SLC24A3: variants seen among roughly 807,000 people sequenced by gnomAD.
SLC24A3 encodes the protein solute carrier family 24 member 3.
A neutral mutation model predicts 75.8 loss-of-function variants in SLC24A3; 28 were observed. The ratio of observed to expected loss-of-function variants is 0.37; its 90% CI spans 0.27 to 0.51. SLC24A3 has a LOEUF of 0.51. Among genes scored for constraint, SLC24A3 ranks in the 20% least tolerant of loss-of-function variants. SLC24A3 has a pLI of 0.94. For synonymous variants in SLC24A3, 372 were observed against 334.1 expected (o/e 1.11, Z -1.24); for missense variants, 663 against 847.8 (o/e 0.78, Z 2.71).
chr20:19,276,877 G>T (rs926584796), intron 1 of SLC24A3, among the ~76,000 whole-genome samples: 1 of 151,662 alleles, frequency 6.6e-6, no homozygotes, highest in Non-Finnish European at 1.5e-5. Context: ...CTGGGCAACA[G>T]AGCCAGACCA....
intron 6 of SLC24A3, among the ~76,000 whole-genome samples, chr20:19,631,011 A>G (rs1490009063): frequency 6.6e-6 from 1 of 152,226 alleles, no homozygotes; most frequent in East Asian, 1.9e-4. Context: ...TGACCATGTC[A>G]ATATGTGTGT....
chr20:19,408,925 C>A (rs78985343), intron 2 of SLC24A3, among the ~76,000 whole-genome samples: 1,536 of 152,270 alleles, frequency 0.01, 31 homozygotes, highest in African/African-American at 0.035. Flanking sequence ...ATTCGGGAAA[C>A]ATTTATTGAG....
intron 12 of SLC24A3, among the ~76,000 whole-genome samples, chr20:19,686,527 A>G (rs1000422985): frequency 5.3e-5 from 8 of 152,224 alleles, no homozygotes; most frequent in African/African-American, 1.7e-4. Context: ...GAGGCTCAGT[A>G]TACATGTGCA....
At chr20:19,665,447 A>T (rs2032386644) in intron 7 of SLC24A3, among the ~76,000 whole-genome samples, 2 of 152,268 alleles carry the variant, frequency 1.3e-5, no homozygotes, top group East Asian at 1.9e-4. Context: ...ATGCACAGAC[A>T]TGCAGAAATC....
chr20:19,293,350 G>C (rs376950833), intron 2 of SLC24A3, among the ~76,000 whole-genome samples: 1 of 151,904 alleles, frequency 6.6e-6, no homozygotes, highest in African/African-American at 2.4e-5. Flanking sequence ...TTTTATGTTC[G>C]TGGCTCGGAA....
intron 2 of SLC24A3, among the ~76,000 whole-genome samples, chr20:19,442,346 G>A (rs912637273): frequency 1.2e-4 from 18 of 152,100 alleles, no homozygotes; most frequent in Non-Finnish European, 2.4e-4. Flanking sequence ...AAAAGTTTCT[G>A]TTACCCCACA....
chr20:19,296,234 T>G (rs964308346), intron 2 of SLC24A3, among the ~76,000 whole-genome samples: 1 of 151,520 alleles, frequency 6.6e-6, no homozygotes, highest in Non-Finnish European at 1.5e-5. Flanking sequence ...TGTGTCTATT[T>G]GATTCTTTTT....
intron 1 of SLC24A3, among the ~76,000 whole-genome samples, chr20:19,252,036 A>G (rs534429306): frequency 1.1e-3 from 162 of 152,206 alleles, no homozygotes; most frequent in African/African-American, 3.8e-3. Context: ...CTTTGTGGCC[A>G]GGCTACATTC....
intron 3 of SLC24A3, among the ~76,000 whole-genome samples, chr20:19,545,608 G>A (rs188247894): frequency 2.2e-4 from 34 of 152,190 alleles, no homozygotes; most frequent in Admixed American, 5.2e-4. Context: ...GCCTTGCTGC[G>A]TTGCCACCCC....
chr20:19,620,911 C>G (rs2031795616), intron 6 of SLC24A3, among the ~76,000 whole-genome samples: 1 of 152,132 alleles, frequency 6.6e-6, no homozygotes. Context: ...TTTCAAGGGA[C>G]CTGAGTTTTC....
intron 1 of SLC24A3, among the ~76,000 whole-genome samples, chr20:19,229,692 G>C (rs541863236): frequency 1.3e-5 from 2 of 151,906 alleles, no homozygotes; most frequent in African/African-American, 2.4e-5. Flanking sequence ...TTTAATTGTG[G>C]CTTCTTGTTG....
intron 15 of SLC24A3, among the ~76,000 whole-genome samples, chr20:19,702,546 C>G (rs895673226): frequency 6.6e-6 from 1 of 151,628 alleles, no homozygotes; most frequent in African/African-American, 2.4e-5. Context: ...TTGGGGGAGA[C>G]TTGGTTAGGA....
At chr20:19,486,791 A>G (rs946802825) in intron 2 of SLC24A3, among the ~76,000 whole-genome samples, 21 of 152,252 alleles carry the variant, frequency 1.4e-4, no homozygotes, top group Non-Finnish European at 1.2e-4. Context: ...AAGTGGAAGG[A>G]TGTGGATTCC....
chr20:19,716,160 A>T (rs6081717), intron 15 of SLC24A3, among the ~76,000 whole-genome samples: 126,192 of 152,068 alleles, frequency 0.83, 52,570 homozygotes, highest in East Asian at 0.96. Flanking sequence ...AGTTCCCGAG[A>T]GCTGCTGCCG....
intron 1 of SLC24A3, among the ~76,000 whole-genome samples, chr20:19,246,845 CTTG>C (rs1982503294): frequency 2.6e-5 from 4 of 152,196 alleles, no homozygotes; most frequent in Admixed American, 2.0e-4. Context: ...CTGTCTCTAT[CTTG>C]TTGTCTGCAA....
chr20:19,545,723 G>A (rs1456895188), intron 3 of SLC24A3, among the ~76,000 whole-genome samples: 1 of 152,202 alleles, frequency 6.6e-6, no homozygotes, highest in Non-Finnish European at 1.5e-5. Flanking sequence ...CTGGTTTGGA[G>A]GCATGTACCT....
At chr20:19,434,199 T>C (rs1987155088) in intron 2 of SLC24A3, among the ~76,000 whole-genome samples, 1 of 152,140 alleles carries the variant, frequency 6.6e-6, no homozygotes. Flanking sequence ...GAAACCCCCA[T>C]ATATGGGAAA....
chr20:19,356,095 C>A (rs534330791), intron 2 of SLC24A3, among the ~76,000 whole-genome samples: 1 of 152,240 alleles, frequency 6.6e-6, no homozygotes, highest in East Asian at 1.9e-4. Context: ...AGATGAGTGA[C>A]CTGTCACCAC....
chr20:19,216,513 G>A (rs972903237), intron 1 of SLC24A3, among the ~76,000 whole-genome samples: 1 of 152,036 alleles, frequency 6.6e-6, no homozygotes, highest in Non-Finnish European at 1.5e-5. Context: ...AGAGTCTCAG[G>A]CAGCAGGATT....
Sources: allele counts gnomAD v4.1 joint callset (sites outside exome capture counted in the v4.1 genomes callset), GRCh38; gene constraint gnomAD v4.1.1; transcripts MANE v1.5; gene names NCBI Gene and HGNC (gene_info 2026-07-23, HGNC 2026-07-21).